Variants in CCDC91 observed in about 807,000 individuals in gnomAD.
CCDC91 encodes the protein coiled-coil domain-containing protein 91.
Under a neutral mutation model 63.2 loss-of-function variants are expected in CCDC91, and 48 were observed. That is an observed-to-expected ratio of 0.76 (90% confidence interval 0.60 to 0.97). The LOEUF (loss-of-function observed/expected upper bound fraction) is 0.97, where lower values mean the gene tolerates loss of function less well. Among genes scored for constraint, CCDC91 ranks in the 50% least tolerant of loss-of-function variants. The pLI, the probability that CCDC91 is intolerant of heterozygous loss-of-function variation, is 0.00. For synonymous variants in CCDC91, 167 were observed against 165.8 expected, an observed-to-expected ratio of 1.01 and a Z score of -0.06; for missense variants, 500 against 494.6, an observed-to-expected ratio of 1.01 and a Z score of -0.10.
At chr12:28,364,515 C>A (rs1409916726) in intron 7 of CCDC91, among the ~76,000 whole-genome samples, 2 of 152,108 alleles carry the variant, frequency 1.3e-5, no homozygotes, top group African/African-American at 4.8e-5. Context: ...GAGGAAAAGT[C>A]CTATATTATT....
intron 6 of CCDC91, among the ~76,000 whole-genome samples, chr12:28,319,927 G>C (rs1380077447): frequency 6.6e-6 from 1 of 151,764 alleles, no homozygotes; most frequent in Non-Finnish European, 1.5e-5. Context: ...GATGCAGAGG[G>C]CTGACTATAT....
In CCDC91 at chr12:28,283,637, G is replaced by C. The variant is rs368807930; in HGVS notation, c.110-22012G>C. Among the ~76,000 whole-genome samples, 17 of 152,098 alleles carry C rather than the reference G, an allele frequency of 1.1e-4. No homozygotes were observed. The East Asian group carries it at 1.4e-3, about 12-fold the overall frequency. Reference sequence around the variant, plus strand: ...GTTTTGCAGATGATAAGAGTTTTTCGGATTTTGGAATATTTGCATATATAT... The same window carrying C: ...GTTTTGCAGATGATAAGAGTTTTTCCGATTTTGGAATATTTGCATATATAT... On this transcript the variant is annotated intron_variant, in intron 3 of 12. Coordinates refer to ENST00000536442, the MANE Select transcript of CCDC91 (RefSeq NM_018318.5).
intron 1 of CCDC91, among the ~76,000 whole-genome samples, chr12:28,220,538 AT>A (rs1943868250): frequency 6.6e-6 from 1 of 151,608 alleles, no homozygotes; most frequent in African/African-American, 2.4e-5. Context: ...GGGACTCCTA[AT>A]TTCTTTTGTG....
At chr12:28,507,219 A>T (rs1197277481) in intron 12 of CCDC91, among the ~76,000 whole-genome samples, 2 of 152,010 alleles carry the variant, frequency 1.3e-5, no homozygotes, top group African/African-American at 4.8e-5. Flanking sequence ...GATGCTAAAC[A>T]ATCTTAGTAA....
At chr12:28,413,244 A>T (rs1031136024) in intron 8 of CCDC91, among the ~76,000 whole-genome samples, 3 of 152,124 alleles carry the variant, frequency 2.0e-5, no homozygotes, top group Admixed American at 6.6e-5. Context: ...TTCTCCTATT[A>T]AACATTTTTT....
intron 3 of CCDC91, among the ~76,000 whole-genome samples, chr12:28,263,068 T>C (rs945829351): frequency 6.6e-6 from 1 of 151,978 alleles, no homozygotes; most frequent in African/African-American, 2.4e-5. Context: ...TTGTATTACT[T>C]ACCTCATCTT....
intron 1 of CCDC91, among the ~76,000 whole-genome samples, chr12:28,214,069 T>A (rs980499003): frequency 6.6e-6 from 1 of 152,142 alleles, no homozygotes; most frequent in Non-Finnish European, 1.5e-5. Flanking sequence ...AATTTTTGCT[T>A]CCTGTTCCTG....
chr12:28,529,918 G>T, intron 12 of CCDC91, among the ~76,000 whole-genome samples: 1 of 152,212 alleles, frequency 6.6e-6, no homozygotes, highest in South Asian at 2.1e-4. Flanking sequence ...ATAACTGCTT[G>T]TAATTTAGGT....
intron 8 of CCDC91, among the ~76,000 whole-genome samples, chr12:28,436,414 G>A (rs1948911018): frequency 6.6e-6 from 1 of 151,366 alleles, no homozygotes; most frequent in Non-Finnish European, 1.5e-5. Flanking sequence ...TCTGTCCCTT[G>A]TATCTTTGTT....
Position 28,549,212 on chromosome 12 carries a change from A to T in CCDC91, c.*39A>T. ...AACCCACACTGGCATTGGATAAATC[A>T]TATTACACCTTCAAAATACACACTC... is the stretch of plus-strand genomic sequence containing the variant. On this transcript the variant is annotated 3_prime_UTR_variant, in exon 13 of 13. Coordinates refer to ENST00000536442, the MANE Select transcript of CCDC91 (RefSeq NM_018318.5). 9.5e-7 allele frequency: 1 copy of T among 1,050,252 alleles called. No individual in the cohort carries two copies. The highest frequency in any genetic ancestry group is 1.8e-5 in the Admixed American group (1 of 56,862). The allele number at this position is 1,050,252 out of a possible 1,614,324, so 65.1% of individuals were successfully genotyped here.
chr12:28,410,213 T>G (rs1363680225), intron 8 of CCDC91, among the ~76,000 whole-genome samples: 1 of 152,234 alleles, frequency 6.6e-6, no homozygotes, highest in Admixed American at 6.5e-5. Flanking sequence ...TTATATTTAG[T>G]GTATTCACAT....
At chr12:28,347,383 T>C (rs1032090707) in intron 6 of CCDC91, among the ~76,000 whole-genome samples, 8 of 152,196 alleles carry the variant, frequency 5.3e-5, no homozygotes, top group Non-Finnish European at 1.2e-4. Flanking sequence ...AGCTGTTACT[T>C]CTTCTTCTGT....
At chr12:28,407,311 C>T (rs770027553) in intron 8 of CCDC91, among the ~76,000 whole-genome samples, 5 of 152,094 alleles carry the variant, frequency 3.3e-5, no homozygotes, top group Non-Finnish European at 7.4e-5. Flanking sequence ...TAATACAGTA[C>T]GTTTGTCAAA....
At chr12:28,432,215 T>G (rs1948668072) in intron 8 of CCDC91, among the ~76,000 whole-genome samples, 1 of 152,056 alleles carries the variant, frequency 6.6e-6, no homozygotes, top group African/African-American at 2.4e-5. Context: ...ATTCTTTGGA[T>G]GTACCACAGT....
chr12:28,309,167 G>A (rs1939055178), intron 6 of CCDC91, among the ~76,000 whole-genome samples: 1 of 151,856 alleles, frequency 6.6e-6, no homozygotes, highest in Admixed American at 6.6e-5. Context: ...TACAAAACTT[G>A]GAAATAAGAA....
chr12:28,201,087 C>T (rs2884646), intron 1 of CCDC91, among the ~76,000 whole-genome samples: 11 of 149,744 alleles, frequency 7.3e-5, no homozygotes, highest in South Asian at 2.1e-4. Flanking sequence ...AGGGCAGAGG[C>T]GCCCCTCACC....
At chr12:28,374,725 C>G (rs928790536) in intron 7 of CCDC91, among the ~76,000 whole-genome samples, 1 of 152,008 alleles carries the variant, frequency 6.6e-6, no homozygotes, top group African/African-American at 2.4e-5. Context: ...TCTGATTCAC[C>G]TAGAAATAGT....
intron 7 of CCDC91, among the ~76,000 whole-genome samples, chr12:28,385,457 T>C (rs1480613222): frequency 6.6e-6 from 1 of 152,208 alleles, no homozygotes; most frequent in African/African-American, 2.4e-5. Context: ...CACAGATTCC[T>C]AGTCTCTTAG....
chr12:28,391,465 C>A, intron 8 of CCDC91, 54 bp downstream of exon 8: 1 of 1,039,336 alleles, frequency 9.6e-7, no homozygotes, highest in East Asian at 2.5e-5. Context: ...GACTCTCTCC[C>A]CTGAGAGCTC....
Sources: gnomAD v4.1 joint callset for allele counts (sites outside exome capture counted in the v4.1 genomes callset) on GRCh38, gnomAD v4.1.1 for gene constraint, MANE v1.5 for transcripts, NCBI Gene and HGNC (gene_info 2026-07-23, HGNC 2026-07-21) for gene names.